GPHA2: variants seen among roughly 807,000 people sequenced by gnomAD.
GPHA2 encodes glycoprotein hormone subunit alpha 2, also known as glycoprotein hormone alpha-2.
A neutral mutation model predicts 15.3 loss-of-function variants in GPHA2; 12 were observed. That is an observed-to-expected ratio of 0.78 (90% CI 0.50 to 1.27). GPHA2 has a LOEUF of 1.27. GPHA2 is among the 50% of genes most tolerant of loss of function. The pLI is 0.00. For missense variants in GPHA2, 156 were observed against 169.5 expected (o/e 0.92, Z 0.44); for synonymous variants, 61 against 66.8 (o/e 0.91, Z 0.42).
chr11:64,935,211 T>G (rs1048768997), intron 2 of GPHA2, 36 bp from the exon 3 acceptor site: 1 of 1,575,000 alleles, frequency 6.3e-7, no homozygotes, highest in Admixed American at 1.9e-5. Context: ...ACGGCGCCTC[T>G]GCCAAGGTTT....
intron 1 of GPHA2, 63 bp from the exon 2 acceptor site, chr11:64,935,523 T>C (rs1945284643): frequency 8.8e-7 from 1 of 1,138,560 alleles, no homozygotes; most frequent in African/African-American, 1.6e-5. Flanking sequence ...GTTCTTTAAA[T>C]ACTGCATTCC....
rs891967219 is a variant in GPHA2 at position 64,934,824 on chromosome 11, G to A, written c.339C>T (p.Ile113=). ...CACACTGGCAGGCCCTGGCCGTGAA[G>A]ATCTCGAGCTCCTCCCTCCGGCTCC... ...CVGSRREELE[I]FTARACQCDM... The change falls in exon 4 of 4, where the codon ATC becomes ATT. Residue 113 remains isoleucine, a synonymous_variant. Coordinates refer to ENST00000279168, the MANE Select transcript of GPHA2 (RefSeq NM_130769.4). 5.0e-5 allele frequency: 80 copies of A among 1,613,966 alleles called. No individual in the cohort carries two copies. The highest frequency in any genetic ancestry group is 6.4e-5 in the Non-Finnish European group (75 of 1,180,014).
intron 1 of GPHA2, 29 bp from the exon 2 acceptor site, chr11:64,935,489 G>A (rs1460223705): frequency 2.5e-5 from 37 of 1,478,406 alleles, no homozygotes; most frequent in Admixed American, 6.4e-5. Context: ...ATGTCTCTAC[G>A]TGGGTGTGCA....
At chr11:64,937,233 C>CA (rs1458627030), upstream of GPHA2, among the ~76,000 whole-genome samples, 1 of 152,172 alleles carries the variant, frequency 6.6e-6, no homozygotes, top group Non-Finnish European at 1.5e-5. Context: ...TATAACTCAC[C>CA]AAATCCTACC....
At position 64,935,492 on chromosome 11, in the gene GPHA2, G is replaced by T. The variant is rs113605041; in HGVS notation, c.1-32C>A. The T allele has an allele frequency of 6.3e-3, 9,052 of 1,443,686 alleles. 69 individuals are homozygous for T. Among genetic ancestry groups the T allele is most frequent in the African/African-American group, 0.034 (2,416 of 70,104 alleles). The allele number at this position is 1,443,686 out of a possible 1,614,324, so 89.4% of individuals were successfully genotyped here. A position where few individuals can be genotyped will look rare whatever the true frequency, so the allele number is the denominator to read the frequency against. The stretch of plus-strand genomic sequence containing the variant: ...CACAGTGGGGAGATGTCTCTACGTG[G>T]GTGTGCAGGTGGGATGGCGAGTTCT... On this transcript the variant is annotated intron_variant, in intron 1 of 3. Coordinates refer to ENST00000279168, the MANE Select transcript of GPHA2 (RefSeq NM_130769.4).
In GPHA2 at chr11:64,935,371, G is replaced by GCCTGGGATGACTGCCT. The variant is rs1945282497; in HGVS notation, c.74_89dup (p.Cys31GlyfsTer18). 2 of 1,600,094 alleles carry GCCTGGGATGACTGCCT rather than the reference G, an allele frequency of 1.2e-6. No individual in the cohort carries two copies. The highest frequency in any genetic ancestry group is 2.7e-5 in the African/African-American group (2 of 74,378). ...AGAGGTACTCACGGTGCAAGTGGCA[G>GCCTGGGATGACTGCCT]CCTGGGATGACTGCCTCCTGGCCCC... On this transcript the variant is annotated frameshift_variant, in exon 2 of 4. Coordinates refer to ENST00000279168, the MANE Select transcript of GPHA2 (RefSeq NM_130769.4). LOFTEE classifies it high-confidence loss of function.
intron 3 of GPHA2, 50 bp from the exon 4 acceptor site, chr11:64,934,924 A>G (rs1421074082): frequency 2.5e-6 from 4 of 1,611,906 alleles, no homozygotes; most frequent in Non-Finnish European, 3.4e-6. Context: ...AGGGCTGTCT[A>G]GGATCTCCAT....
At position 64,935,367 on chromosome 11, in the gene GPHA2, G is replaced by A; in HGVS notation, c.94C>T (p.His32Tyr). The change falls in exon 2 of 4, where the codon CAC (histidine) becomes TAC (tyrosine). Residue 32 changes from histidine (H) to tyrosine (Y), a missense_variant. By Grantham distance (83) the His-to-Tyr change is moderately conservative. Transcript: ENST00000279168. ...TCCCAGAGGTACTCACGGTGCAAGTGGCAGCCTGGGATGACTGCCTCCTGG... is the reference window on the plus strand; with the variant it reads ...TCCCAGAGGTACTCACGGTGCAAGTAGCAGCCTGGGATGACTGCCTCCTGG... The part of the protein sequence containing the change: ...WGQEAVIPGC[H>Y]LHPFNVTVRS... The A allele has an allele frequency of 1.3e-6, 2 of 1,595,878 alleles. No homozygotes were observed. Among genetic ancestry groups the A allele is most frequent in the Non-Finnish European group, 1.7e-6 (2 of 1,171,672 alleles).
rs1375213531 is a variant in GPHA2, at chr11:64,935,434, C to G, written c.27G>C (p.Leu9=). The part of the protein sequence containing the change: MPMASPQT[L]VLYLLVLAVT... ...CTGCCAGGACCAGCAGATAGAGGAC[C>G]AGGGTTTGAGGGGACGCCATAGGCA... The change falls in exon 2 of 4, where the codon CTG becomes CTC. Residue 9 remains leucine (L), a synonymous_variant. Transcript: ENST00000279168. 2 of 1,609,116 alleles carry G rather than the reference C, an allele frequency of 1.2e-6. No individual in the cohort carries two copies. Among genetic ancestry groups the G allele is most frequent in the South Asian group, 1.1e-5 (1 of 90,670 alleles).
At chr11:64,935,735 A>G in intron 1 of GPHA2, 99 bp downstream of exon 1, 1 of 334,880 alleles carries the variant, frequency 3.0e-6, no homozygotes. Context: ...TCTGGAGCGC[A>G]AACATCTTCC....
rs1211614422 is a variant in GPHA2, at chr11:64,934,571, A to C, written c.*202T>G. On this transcript the variant is annotated 3_prime_UTR_variant, in exon 4 of 4. Transcript: ENST00000279168. Reference sequence around the variant, plus strand: ...CCAGGCAGAGGCAGGGAAGAAGCAGAAACTCCCCTCTTCTCAGGTGACAGT... The same window carrying C: ...CCAGGCAGAGGCAGGGAAGAAGCAGCAACTCCCCTCTTCTCAGGTGACAGT... 2 of 602,858 alleles carry C rather than the reference A, an allele frequency of 3.3e-6. No individual in the cohort carries two copies. Among genetic ancestry groups the C allele is most frequent in the African/African-American group, 3.7e-5 (2 of 53,912 alleles). 37.3% of individuals were successfully genotyped at this position (602,858 alleles called of 1,614,324 possible). A position where few individuals can be genotyped will look rare whatever the true frequency, so the allele number is the denominator to read the frequency against.
At chr11:64,935,234 C>A in intron 2 of GPHA2, 59 bp from the exon 3 acceptor site, 1 of 1,540,802 alleles carries the variant, frequency 6.5e-7, no homozygotes, top group Non-Finnish European at 8.8e-7. Flanking sequence ...CTCGCCCCAG[C>A]TCCCGTTGCC....
chr11:64,935,304 G>A, intron 2 of GPHA2, 54 bp downstream of exon 2: 1 of 1,417,916 alleles, frequency 7.1e-7, no homozygotes, highest in East Asian at 2.3e-5. Flanking sequence ...TCAGCTCTTT[G>A]CTCCCACCCA....
At chr11:64,936,911 C>T (rs1436683066), upstream of GPHA2, among the ~76,000 whole-genome samples, 1 of 152,218 alleles carries the variant, frequency 6.6e-6, no homozygotes. Context: ...ATTTGTCCAA[C>T]TCTGGTTTTA....
rs1450829779 is a variant in GPHA2 at position 64,935,834 on chromosome 11, C to CA, written c.-2dup. On this transcript the variant is annotated splice_region_variant and 5_prime_UTR_variant, in exon 1 of 4. Coordinates refer to ENST00000279168, the MANE Select transcript of GPHA2 (RefSeq NM_130769.4). Reference sequence around the variant, plus strand: ...GCTCCTCCTGCCTCAGCGAGCTCACCACTTCCGAGGCCCAGGAACAGAGCG... The same window carrying CA: ...GCTCCTCCTGCCTCAGCGAGCTCACCAACTTCCGAGGCCCAGGAACAGAGCG... 5.8e-6 allele frequency: 1 copy of CA among 171,396 alleles called. No individual in the cohort carries two copies. Among genetic ancestry groups the CA allele is most frequent in the African/African-American group, 2.4e-5 (1 of 42,066 alleles). 10.6% of individuals were successfully genotyped at this position (171,396 alleles called of 1,614,324 possible).
Position 64,934,826 on chromosome 11 carries a change from T to A in GPHA2, c.337A>T (p.Ile113Phe). 6.2e-7 allele frequency: 1 copy of A among 1,614,024 alleles called. No individual in the cohort carries two copies. The highest frequency in any genetic ancestry group is 8.5e-7 in the Non-Finnish European group (1 of 1,179,982). Residue 113 changes from isoleucine (I) to phenylalanine (F), a missense_variant, in exon 4 of 4, where the codon ATC (isoleucine) becomes TTC (phenylalanine). Transcript: ENST00000279168. ...CACTGGCAGGCCCTGGCCGTGAAGA[T>A]CTCGAGCTCCTCCCTCCGGCTCCCC... ...CVGSRREELE[I>F]FTARACQCDM...
rs754280502 is a variant in GPHA2, at chr11:64,935,465, AAC to A, written c.1-7_1-6del. On this transcript the variant is annotated splice_polypyrimidine_tract_variant and splice_region_variant and intron_variant, in intron 1 of 3. Transcript: ENST00000279168. ...TTGAGGGGACGCCATAGGCATCTGA[AAC>A]ACAGTGGGGAGATGTCTCTACGTGG... is the stretch of plus-strand genomic sequence containing the variant. 8 of 1,583,478 alleles carry A rather than the reference AAC, an allele frequency of 5.1e-6. No homozygotes were observed. The South Asian group carries it at 5.7e-5, about 11-fold the overall frequency.
In GPHA2 at chr11:64,934,801, C is replaced by T; in HGVS notation, c.362G>A (p.Cys121Tyr). The change falls in exon 4 of 4, where the codon TGT becomes TAT. Residue 121 changes from cysteine to tyrosine, a missense_variant. Coordinates refer to ENST00000279168, the MANE Select transcript of GPHA2 (RefSeq NM_130769.4). ...LEIFTARACQCDMCRLSRY is the reference protein window; with the variant it reads ...LEIFTARACQYDMCRLSRY ...GTAGCGAGAGAGGCGACACATGTCA[C>T]ACTGGCAGGCCCTGGCCGTGAAGAT... The T allele has an allele frequency of 6.2e-7, 1 of 1,614,120 alleles. No individual in the cohort carries two copies. Among genetic ancestry groups the T allele is most frequent in the Non-Finnish European group, 8.5e-7 (1 of 1,179,988 alleles).
chr11:64,936,106 A>G (rs976115326), upstream of GPHA2, among the ~76,000 whole-genome samples: 8 of 152,128 alleles, frequency 5.3e-5, no homozygotes, highest in South Asian at 8.3e-4. Flanking sequence ...AGGCCTCGAT[A>G]AGTCAGATGT....
Sources: gnomAD v4.1 joint callset for allele counts (sites outside exome capture counted in the v4.1 genomes callset) on GRCh38, gnomAD v4.1.1 for gene constraint, MANE v1.5 for transcripts, NCBI Gene and HGNC (gene_info 2026-07-23, HGNC 2026-07-21) for gene names.